RARB: variants seen among roughly 807,000 people sequenced by gnomAD.
The protein encoded by RARB is HBV-activated protein.
A neutral mutation model predicts 51.9 loss-of-function variants in RARB; 17 were observed. The observed-to-expected ratio is 0.33, with a 90% CI of 0.22 to 0.49. RARB has a LOEUF of 0.49. RARB is among the 20% of genes least tolerant of loss of function. RARB has a pLI of 0.99. For synonymous variants in RARB, 215 were observed against 195.4 expected, an observed-to-expected ratio of 1.10 and a Z score of -0.84; for missense variants, 369 against 550.8, an observed-to-expected ratio of 0.67 and a Z score of 3.30.
intron 5 of RARB, among the ~76,000 whole-genome samples, chr3:25,242,841 G>A (rs1702465798): frequency 6.6e-6 from 1 of 152,146 alleles, no homozygotes; most frequent in Non-Finnish European, 1.5e-5. Flanking sequence ...CCAATTTTAT[G>A]AAGAAAGTCA....
intron 5 of RARB, among the ~76,000 whole-genome samples, chr3:25,273,248 C>T (rs1016538727): frequency 2.0e-5 from 3 of 152,162 alleles, no homozygotes; most frequent in Non-Finnish European, 4.4e-5. Flanking sequence ...ACAAAGGACT[C>T]GAACTGGCCT....
intron 3 of RARB, among the ~76,000 whole-genome samples, chr3:25,538,908 A>C (rs1699251232): frequency 1.3e-5 from 2 of 152,236 alleles, no homozygotes; most frequent in Non-Finnish European, 2.9e-5. Flanking sequence ...GTCACATTTT[A>C]GTTCCTCTTA....
chr3:25,116,026 T>G (rs933770825), intron 3 of RARB, among the ~76,000 whole-genome samples: 1 of 152,196 alleles, frequency 6.6e-6, no homozygotes, highest in Non-Finnish European at 1.5e-5. Context: ...ACTATCTGCT[T>G]TCTTGACAGC....
chr3:25,280,736 T>C (rs958862390), intron 5 of RARB, among the ~76,000 whole-genome samples: 13 of 152,202 alleles, frequency 8.5e-5, no homozygotes, highest in African/African-American at 3.1e-4. Flanking sequence ...TTTTTTCACC[T>C]TCCGTTGTAT....
intron 2 of RARB, chr3:25,020,372 T>G (rs1395010118): frequency 6.6e-6 from 1 of 151,916 alleles, no homozygotes; most frequent in African/African-American, 2.4e-5. Flanking sequence ...ATCAGCAAAG[T>G]GCACTACAGC....
rs118176736 is a variant in RARB at position 24,955,243 on chromosome 3, G to C, written c.-380+96491G>C. ...GCTGTCTCTAGCCAGGCTCCTCTCT[G>C]AAGTCATGCCATCTGAAGTTAAGCT... is the stretch of plus-strand genomic sequence containing the variant. On this transcript the variant is annotated intron_variant, in intron 2 of 11. Coordinates refer to the RARB transcript ENST00000383772. Among the ~76,000 whole-genome samples, 15 of 152,316 alleles carry C rather than the reference G, an allele frequency of 9.8e-5. No individual in the cohort carries two copies. In the East Asian group the frequency reaches 2.7e-3, roughly 27 times the overall value.
chr3:25,264,192 T>C (rs1703073291), intron 5 of RARB, among the ~76,000 whole-genome samples: 1 of 152,156 alleles, frequency 6.6e-6, no homozygotes, highest in African/African-American at 2.4e-5. Context: ...TTCACTGAAT[T>C]CAAAGCTCTT....
intron 3 of RARB, among the ~76,000 whole-genome samples, chr3:25,511,956 C>T (rs1019880040): frequency 2.6e-5 from 4 of 152,178 alleles, no homozygotes; most frequent in African/African-American, 9.7e-5. Flanking sequence ...TGCTTAAAGC[C>T]TGGACTTAAG....
chr3:25,387,713 C>CGTGT (rs1706836786), intron 5 of RARB, among the ~76,000 whole-genome samples: 1 of 152,026 alleles, frequency 6.6e-6, no homozygotes, highest in South Asian at 2.1e-4. Flanking sequence ...GTCTTTTGAC[C>CGTGT]ACACACATAA....
At chr3:25,477,622 A>G (rs1471481672) in intron 2 of RARB, among the ~76,000 whole-genome samples, 3 of 152,180 alleles carry the variant, frequency 2.0e-5, no homozygotes, top group Non-Finnish European at 4.4e-5. Context: ...TAACAGCTCT[A>G]TTATGTAAGT....
chr3:25,501,389 A>G, intron 3 of RARB, 66 bp downstream of exon 3: 1 of 1,568,100 alleles, frequency 6.4e-7, no homozygotes, highest in Non-Finnish European at 8.6e-7. Context: ...CACCTTCCAC[A>G]GTCATGTGGA....
At chr3:25,053,951 C>G (rs1269646269) in intron 2 of RARB, among the ~76,000 whole-genome samples, 1 of 152,038 alleles carries the variant, frequency 6.6e-6, no homozygotes, top group Non-Finnish European at 1.5e-5. Context: ...CATTGTAATC[C>G]CATTCATCCT....
In RARB at chr3:24,992,756, G is replaced by C. The variant is rs113716525; in HGVS notation, c.-379-67369G>C. On this transcript the variant is annotated intron_variant, in intron 2 of 11. Transcript: ENST00000383772. ...CCTCTTTTTATATGGACACCAGTCAGATCCATTAGCGATCACCCATATGAC... is the reference window on the plus strand; with the variant it reads ...CCTCTTTTTATATGGACACCAGTCACATCCATTAGCGATCACCCATATGAC... 3.0e-3 allele frequency among the ~76,000 whole-genome samples: 460 copies of C among 152,182 alleles called. 1 individual carries two copies. Among genetic ancestry groups the C allele is most frequent in the African/African-American group, 0.01 (432 of 41,524 alleles).
chr3:25,557,575 G>A (rs994125902), intron 3 of RARB, among the ~76,000 whole-genome samples: 1 of 152,088 alleles, frequency 6.6e-6, no homozygotes, highest in Admixed American at 6.6e-5. Flanking sequence ...CCATCATTGT[G>A]CAAGCTGGAA....
At chr3:25,376,708 T>G (rs1223599710) in intron 5 of RARB, among the ~76,000 whole-genome samples, 1 of 152,236 alleles carries the variant, frequency 6.6e-6, no homozygotes, top group Non-Finnish European at 1.5e-5. Flanking sequence ...TCTACCTGTT[T>G]CTAATGGTAT....
intron 2 of RARB, among the ~76,000 whole-genome samples, chr3:24,921,158 G>T (rs1695209183): frequency 1.3e-5 from 2 of 152,024 alleles, no homozygotes; most frequent in South Asian, 4.2e-4. Context: ...GCTAGTACAA[G>T]CAGTTTGAAT....
chr3:24,972,836 G>C (rs1221808921), intron 2 of RARB, among the ~76,000 whole-genome samples: 2 of 151,732 alleles, frequency 1.3e-5, no homozygotes, highest in South Asian at 2.1e-4. Context: ...TTTAAATCAA[G>C]TTTATTTGCT....
intron 5 of RARB, among the ~76,000 whole-genome samples, chr3:25,378,352 C>T (rs933291820): frequency 1.3e-5 from 2 of 152,146 alleles, no homozygotes; most frequent in East Asian, 1.9e-4. Flanking sequence ...GCTGAAGTGG[C>T]GTGATGCCTC....
chr3:25,378,527 C>T (rs1013865822), intron 5 of RARB, among the ~76,000 whole-genome samples: 2 of 152,248 alleles, frequency 1.3e-5, no homozygotes, highest in African/African-American at 2.4e-5. Flanking sequence ...AAGGATAAAT[C>T]GGCATCATCC....
Sources: allele counts gnomAD v4.1 joint callset (sites outside exome capture counted in the v4.1 genomes callset), GRCh38; gene constraint gnomAD v4.1.1; transcripts MANE v1.5; gene names NCBI Gene and HGNC (gene_info 2026-07-23, HGNC 2026-07-21).